Variants in ACBD3 observed in about 807,000 individuals in gnomAD.
ACBD3 encodes Golgi resident protein GCP60.
A neutral mutation model predicts 66.9 loss-of-function variants in ACBD3; 30 were observed. That is an observed-to-expected ratio of 0.45 (90% CI 0.34 to 0.61). The LOEUF (loss-of-function observed/expected upper bound fraction) is 0.61, where lower values mean the gene tolerates loss of function less well. ACBD3 is among the 20% of genes least tolerant of loss of function. The probability of loss-of-function intolerance (pLI) is 0.02; values close to 1 mark genes in which losing one functional copy is unlikely to be tolerated. For synonymous variants in ACBD3, 278 were observed against 259.8 expected (o/e 1.07, Z -0.68); for missense variants, 544 against 664.5 (o/e 0.82, Z 1.99).
At chr1:226,182,600 C>G (rs748203572) in intron 1 of ACBD3, among the ~76,000 whole-genome samples, 5 of 151,986 alleles carry the variant, frequency 3.3e-5, no homozygotes, top group African/African-American at 4.8e-5. Context: ...GGTGACATAG[C>G]AAGACTCCGT....
At chr1:226,171,790 G>A (rs942389464) in intron 1 of ACBD3, among the ~76,000 whole-genome samples, 1 of 151,308 alleles carries the variant, frequency 6.6e-6, no homozygotes, top group Non-Finnish European at 1.5e-5. Flanking sequence ...TGATCTGCCC[G>A]CCTCAGCTTC....
chr1:226,148,404 G>C (rs1659498357), intron 7 of ACBD3, among the ~76,000 whole-genome samples: 1 of 152,132 alleles, frequency 6.6e-6, no homozygotes. Context: ...TCTTATAAAG[G>C]TAGGTCAAAA....
At chr1:226,177,441 C>A (rs183049738) in intron 1 of ACBD3, among the ~76,000 whole-genome samples, 1 of 151,926 alleles carries the variant, frequency 6.6e-6, no homozygotes, top group East Asian at 1.9e-4. Context: ...GTAGATCCGC[C>A]TGCCTCAGCC....
intron 1 of ACBD3, 94 bp from the exon 2 acceptor site, chr1:226,166,094 AC>A (rs1659872435): frequency 6.0e-6 from 8 of 1,344,126 alleles, no homozygotes; most frequent in Non-Finnish European, 6.0e-6. Flanking sequence ...AAAGCATGTC[AC>A]AAACTGCCTG....
At chr1:226,181,606 G>GT (rs1447384976) in intron 1 of ACBD3, among the ~76,000 whole-genome samples, 1 of 152,176 alleles carries the variant, frequency 6.6e-6, no homozygotes, top group African/African-American at 2.4e-5. Context: ...TACCCTTACA[G>GT]AAGGCCTCTT....
chr1:226,174,779 C>CA (rs1318734293), intron 1 of ACBD3, among the ~76,000 whole-genome samples: 4 of 150,066 alleles, frequency 2.7e-5, no homozygotes, highest in Non-Finnish European at 4.4e-5. Context: ...AACAAACAAA[C>CA]AAAAAAAGAA....
intron 1 of ACBD3, among the ~76,000 whole-genome samples, chr1:226,171,887 G>A (rs1280560619): frequency 6.6e-6 from 1 of 151,906 alleles, no homozygotes; most frequent in East Asian, 2.0e-4. Context: ...CACACACGGT[G>A]GCTCATGCCT....
At chr1:226,148,899 G>A (rs1315829139) in intron 7 of ACBD3, among the ~76,000 whole-genome samples, 3 of 152,196 alleles carry the variant, frequency 2.0e-5, no homozygotes, top group Non-Finnish European at 4.4e-5. Flanking sequence ...TCTTAGGAAT[G>A]ATAAAGCTTC....
intron 1 of ACBD3, among the ~76,000 whole-genome samples, chr1:226,168,509 G>A (rs532477582): frequency 1.2e-4 from 19 of 152,288 alleles, no homozygotes; most frequent in South Asian, 1.0e-3. Flanking sequence ...AGGGAAAGTC[G>A]AAACAACATG....
intron 1 of ACBD3, among the ~76,000 whole-genome samples, chr1:226,175,529 ATC>A (rs994048498): frequency 2.0e-4 from 30 of 152,358 alleles, no homozygotes; most frequent in African/African-American, 6.5e-4. Flanking sequence ...AAAGTGTATC[ATC>A]TGTTTCAGCA....
At chr1:226,166,680 TCTCA>T (rs1197559528) in intron 1 of ACBD3, among the ~76,000 whole-genome samples, 1 of 150,726 alleles carries the variant, frequency 6.6e-6, no homozygotes, top group African/African-American at 2.4e-5. Flanking sequence ...AGAGACAAGG[TCTCA>T]CTATGTTGCC....
chr1:226,172,810 G>A (rs533454645), intron 1 of ACBD3, among the ~76,000 whole-genome samples: 2 of 152,186 alleles, frequency 1.3e-5, no homozygotes, highest in South Asian at 4.2e-4. Flanking sequence ...TGGGTGTGGT[G>A]GCATACAGCT....
intron 1 of ACBD3, among the ~76,000 whole-genome samples, chr1:226,171,883 C>T (rs1016224129): frequency 7.2e-5 from 11 of 151,866 alleles, no homozygotes; most frequent in South Asian, 4.2e-4. Flanking sequence ...TGGCCACACA[C>T]GGTGGCTCAT....
At chr1:226,160,615 G>C (rs1276222591) in intron 4 of ACBD3, among the ~76,000 whole-genome samples, 1 of 152,106 alleles carries the variant, frequency 6.6e-6, no homozygotes. Context: ...TTTTTCTGAG[G>C]AACTACCCAG....
intron 1 of ACBD3, among the ~76,000 whole-genome samples, chr1:226,174,989 C>T (rs558049116): frequency 6.8e-6 from 1 of 146,682 alleles, no homozygotes; most frequent in Non-Finnish European, 1.5e-5. Flanking sequence ...CAGCTACTCA[C>T]GAGGCTGAGA....
At chr1:226,164,600 C>A (rs923735546) in intron 3 of ACBD3, among the ~76,000 whole-genome samples, 189 bp downstream of exon 3, 1 of 152,120 alleles carries the variant, frequency 6.6e-6, no homozygotes, top group Non-Finnish European at 1.5e-5. Context: ...GGAAGCAGTC[C>A]TCCCTCCCCC....
chr1:226,170,395 C>T (rs1476202796), intron 1 of ACBD3, among the ~76,000 whole-genome samples: 1 of 139,298 alleles, frequency 7.2e-6, no homozygotes, highest in Non-Finnish European at 1.5e-5. Context: ...AGGATGATCT[C>T]GATCTCCTGA....
At position 226,144,945 on chromosome 1, in the gene ACBD3, G is replaced by A. The variant is rs1268452004; in HGVS notation, c.*1665C>T. 1 of 152,376 alleles carries A rather than the reference G, an allele frequency of 6.6e-6. No homozygotes were observed. 9.4% of individuals were successfully genotyped at this position (152,376 alleles called of 1,614,324 possible). A position where few individuals can be genotyped will look rare whatever the true frequency, so the allele number is the denominator to read the frequency against. Reference sequence around the variant, plus strand: ...CTGGAAGAAATATATATTAGTGCCTGCTTTTTAAAAGTTTATTTTACATTT... The same window carrying A: ...CTGGAAGAAATATATATTAGTGCCTACTTTTTAAAAGTTTATTTTACATTT... On this transcript the variant is annotated 3_prime_UTR_variant, in exon 8 of 8. Transcript: ENST00000366812.
intron 1 of ACBD3, among the ~76,000 whole-genome samples, chr1:226,167,171 C>T (rs1374459926): frequency 6.6e-6 from 1 of 152,108 alleles, no homozygotes; most frequent in Non-Finnish European, 1.5e-5. Flanking sequence ...AATAATTTTA[C>T]ATTAGTCCCT....
Sources: allele counts gnomAD v4.1 joint callset (sites outside exome capture counted in the v4.1 genomes callset), GRCh38; gene constraint gnomAD v4.1.1; transcripts MANE v1.5; gene names NCBI Gene and HGNC (gene_info 2026-07-23, HGNC 2026-07-21).